Variants in SAMD12 observed in about 807,000 individuals in gnomAD.
The protein encoded by SAMD12 is sterile alpha motif domain-containing protein 12.
Under a neutral mutation model 15.0 loss-of-function variants are expected in SAMD12, and 9 were observed. The ratio of observed to expected loss-of-function variants is 0.60; its 90% confidence interval spans 0.36 to 1.05. The LOEUF (loss-of-function observed/expected upper bound fraction) is 1.05, where lower values mean the gene tolerates loss of function less well. Ranked by LOEUF, SAMD12 falls within the 50% of genes least tolerant of loss-of-function variation. The pLI is 0.01. For missense variants in SAMD12, 230 were observed against 234.2 expected (o/e 0.98, Z 0.12); for synonymous variants, 86 against 90.1 (o/e 0.96, Z 0.25).
Position 118,378,031 on chromosome 8 carries a change from T to A in SAMD12, c.*1386A>T, listed in dbSNP as rs1001992287. ...CCTTTATTAAAATGGTTGGCATATT[T>A]ACTTGCAGTCCTTTTTTTCTGTACA... On this transcript the variant is annotated 3_prime_UTR_variant, in exon 4 of 4. Coordinates refer to ENST00000314727, the MANE Select transcript of SAMD12 (RefSeq NM_207506.3). The A allele has an allele frequency of 6.6e-6, 1 of 152,242 alleles. No individual in the cohort carries two copies. The highest frequency in any genetic ancestry group is 2.4e-5 in the African/African-American group (1 of 41,474). 9.4% of individuals were successfully genotyped at this position (152,242 alleles called of 1,614,324 possible).
At chr8:118,605,351 A>G (rs527994037) in intron 1 of SAMD12, among the ~76,000 whole-genome samples, 13 of 152,378 alleles carry the variant, frequency 8.5e-5, no homozygotes, top group African/African-American at 2.9e-4. Context: ...ACATTATTTT[A>G]AAAAATATTT....
chr8:118,254,824 T>C (rs1215950180), intron 4 of SAMD12, among the ~76,000 whole-genome samples: 3 of 152,056 alleles, frequency 2.0e-5, no homozygotes, highest in Non-Finnish European at 4.4e-5. Context: ...AATTTGCCTT[T>C]TCTTCCTCTC....
intron 2 of SAMD12, among the ~76,000 whole-genome samples, chr8:118,572,115 G>A (rs1457346598): frequency 6.6e-6 from 1 of 152,230 alleles, no homozygotes; most frequent in Non-Finnish European, 1.5e-5. Context: ...TGTGAGATAT[G>A]GAGTCAAAGG....
intron 4 of SAMD12, among the ~76,000 whole-genome samples, chr8:118,261,181 T>A (rs1319665750): frequency 6.6e-6 from 1 of 152,130 alleles, no homozygotes; most frequent in Non-Finnish European, 1.5e-5. Context: ...TATTATTATT[T>A]TTTTAGCTCA....
intron 4 of SAMD12, among the ~76,000 whole-genome samples, chr8:118,322,233 C>G (rs1293121362): frequency 2.6e-5 from 4 of 152,246 alleles, no homozygotes; most frequent in Non-Finnish European, 5.9e-5. Flanking sequence ...TACTCTCTCT[C>G]TCAGCATTCT....
intron 3 of SAMD12, among the ~76,000 whole-genome samples, chr8:118,392,777 T>G (rs2130759966): frequency 6.6e-6 from 1 of 152,278 alleles, no homozygotes; most frequent in East Asian, 1.9e-4. Flanking sequence ...ACCAGCTACC[T>G]TATGCACTGC....
intron 4 of SAMD12, among the ~76,000 whole-genome samples, chr8:118,202,234 G>A (rs1257221667): frequency 6.6e-6 from 1 of 152,170 alleles, no homozygotes; most frequent in Admixed American, 6.5e-5. Context: ...ATTCCTTGGA[G>A]AAATCAAAGT....
the SAMD12 span, among the ~76,000 whole-genome samples, chr8:118,156,459 A>G: frequency 6.6e-6 from 1 of 152,180 alleles, no homozygotes; most frequent in African/African-American, 2.4e-5. Context: ...AACACTAGAT[A>G]TCAAGGCTCC....
At chr8:118,449,114 G>T (rs7826591) in intron 2 of SAMD12, among the ~76,000 whole-genome samples, 3,554 of 149,458 alleles carry the variant, frequency 0.024, 125 homozygotes, top group African/African-American at 0.083. Context: ...CCAGGCTGGA[G>T]TGCAATGGCG....
chr8:118,137,442 T>C, the SAMD12 span, among the ~76,000 whole-genome samples: 138 of 152,196 alleles, frequency 9.1e-4, 1 homozygote, highest in Non-Finnish European at 1.3e-4. Flanking sequence ...TACTTAGGCA[T>C]GGAAAGTTGG....
At chr8:118,544,290 T>A (rs969288278) in intron 2 of SAMD12, among the ~76,000 whole-genome samples, 1 of 152,122 alleles carries the variant, frequency 6.6e-6, no homozygotes, top group Non-Finnish European at 1.5e-5. Flanking sequence ...AAGGGCTTGG[T>A]AAAGTGAAGT....
chr8:118,569,959 C>A (rs1826962690), intron 2 of SAMD12, among the ~76,000 whole-genome samples: 10 of 152,166 alleles, frequency 6.6e-5, no homozygotes, highest in Admixed American at 6.5e-4. Context: ...TTACTTGGCA[C>A]CTGGTGATCC....
intron 3 of SAMD12, among the ~76,000 whole-genome samples, chr8:118,421,455 C>T (rs1162827410): frequency 1.3e-5 from 2 of 152,168 alleles, no homozygotes; most frequent in Non-Finnish European, 2.9e-5. Flanking sequence ...GAGCTTGTAT[C>T]TATCAATGTC....
At chr8:118,264,938 C>T (rs112117561) in intron 4 of SAMD12, among the ~76,000 whole-genome samples, 10 of 152,104 alleles carry the variant, frequency 6.6e-5, no homozygotes, top group East Asian at 1.9e-4. Context: ...TCTTATCCTG[C>T]GAAGGGCAGG....
rs778548020 is a variant in SAMD12 at position 118,439,964 on chromosome 8, A to G, written c.193-3T>C. 5.0e-6 allele frequency: 8 copies of G among 1,613,474 alleles called. No homozygotes were observed. Among genetic ancestry groups the G allele is most frequent in the Non-Finnish European group, 6.8e-6 (8 of 1,179,544 alleles). On this transcript the variant is annotated splice_polypyrimidine_tract_variant and splice_region_variant and intron_variant, in intron 2 of 3. Coordinates refer to ENST00000314727, the MANE Select transcript of SAMD12 (RefSeq NM_207506.3). ...TTAGATAGCTTCACCGTAGCTGACT[A>G]TAAATAAAGAAGGAAGATCTGTCAA... is the stretch of plus-strand genomic sequence containing the variant.
intron 4 of SAMD12, among the ~76,000 whole-genome samples, chr8:118,331,350 T>A (rs1186279236): frequency 6.6e-6 from 1 of 152,090 alleles, no homozygotes; most frequent in Admixed American, 6.5e-5. Flanking sequence ...TGAAAAAATA[T>A]CTCCAGTTTA....
intron 3 of SAMD12, among the ~76,000 whole-genome samples, chr8:118,395,736 A>G (rs1287159564): frequency 1.3e-5 from 2 of 152,266 alleles, no homozygotes; most frequent in African/African-American, 4.8e-5. Flanking sequence ...AGGTGGGTGG[A>G]TCATGAGGTC....
chr8:118,428,669 C>A (rs1310167983), intron 3 of SAMD12, among the ~76,000 whole-genome samples: 1 of 151,844 alleles, frequency 6.6e-6, no homozygotes, highest in Non-Finnish European at 1.5e-5. Flanking sequence ...TTTAGTTATT[C>A]CAGTACCCTG....
Position 118,580,767 on chromosome 8 carries a change from G to A in SAMD12, c.140C>T (p.Pro47Leu). The change falls in exon 2 of 4, where the codon CCT becomes CTT. Residue 47 changes from proline to leucine, a missense_variant. Coordinates refer to ENST00000314727, the MANE Select transcript of SAMD12 (RefSeq NM_207506.3). ...TCGCTTGGGAGTTCCTTTCTGGTCA[G>A]GCACCTTCTGGAAATTTTTATTTTT... ...SIKNKNFQKVPDQKGTPKRLQ... is the reference protein window; with the variant it reads ...SIKNKNFQKVLDQKGTPKRLQ... 6.2e-7 allele frequency: 1 copy of A among 1,613,294 alleles called. No individual in the cohort carries two copies. Among genetic ancestry groups the A allele is most frequent in the Non-Finnish European group, 8.5e-7 (1 of 1,179,442 alleles).
Sources: allele counts gnomAD v4.1 joint callset (sites outside exome capture counted in the v4.1 genomes callset), GRCh38; gene constraint gnomAD v4.1.1; transcripts MANE v1.5; gene names NCBI Gene and HGNC (gene_info 2026-07-23, HGNC 2026-07-21).